OTUD4: variants seen among roughly 807,000 people sequenced by gnomAD.
The protein encoded by OTUD4 is OTU domain-containing protein 4.
OTUD4 carries 24 observed loss-of-function variants against 130.4 expected under a neutral mutation model. That is an observed-to-expected ratio of 0.18 (90% CI 0.13 to 0.26). OTUD4 has a LOEUF of 0.26. Among genes scored for constraint, OTUD4 ranks in the 10% least tolerant of loss-of-function variants. The probability of loss-of-function intolerance (pLI) is 1.00; values close to 1 mark genes in which losing one functional copy is unlikely to be tolerated. For synonymous variants in OTUD4, 420 were observed against 472.5 expected, an observed-to-expected ratio of 0.89 and a Z score of 1.44; for missense variants, 1,031 against 1,329.4, an observed-to-expected ratio of 0.78 and a Z score of 3.49.
At chr4:145,174,608 CA>C (rs1752335210) in intron 2 of OTUD4, 52 bp downstream of exon 2, 8 of 1,054,764 alleles carry the variant, frequency 7.6e-6, no homozygotes, top group Non-Finnish European at 1.2e-5. Flanking sequence ...TTCTAAAAGC[CA>C]AAATGTAAAA....
At chr4:145,165,977 C>G (rs1751851719) in intron 3 of OTUD4, among the ~76,000 whole-genome samples, 1 of 151,850 alleles carries the variant, frequency 6.6e-6, no homozygotes, top group Non-Finnish European at 1.5e-5. Context: ...GTCTGACCAA[C>G]ATGGAGAAAC....
chr4:145,159,131 A>G, intron 7 of OTUD4: 1 of 1,042,458 alleles, frequency 9.6e-7, no homozygotes, highest in Non-Finnish European at 1.2e-6. Context: ...AAACAATAAA[A>G]GAAAGTGAAG....
intron 1 of OTUD4, 25 bp downstream of exon 1, chr4:145,179,776 CGCCTCCCCTCGAAG>C: frequency 1.4e-6 from 2 of 1,387,152 alleles, no homozygotes; most frequent in South Asian, 1.3e-5. Flanking sequence ...GGGCCGTCCC[CGCCTCCCCTCGAAG>C]CCCTCCCCGC....
intron 1 of OTUD4, among the ~76,000 whole-genome samples, chr4:145,177,093 T>C (rs780385571): frequency 1.3e-5 from 2 of 152,186 alleles, no homozygotes; most frequent in African/African-American, 2.4e-5. Context: ...ACAAATGACA[T>C]TTAGCAACAC....
In OTUD4 at chr4:145,135,505, A is replaced by T. The variant is rs1157182209; in HGVS notation, c.*1925T>A. ...TTAAAATCAGGTAAGCTAGTCCTACATAAAAAAGCATGAGCTGAAAGTGGA... is the reference window on the plus strand; with the variant it reads ...TTAAAATCAGGTAAGCTAGTCCTACTTAAAAAAGCATGAGCTGAAAGTGGA... On this transcript the variant is annotated 3_prime_UTR_variant, in exon 21 of 21. Coordinates refer to ENST00000447906, the MANE Select transcript of OTUD4 (RefSeq NM_001366057.1). 1.3e-5 allele frequency: 2 copies of T among 152,250 alleles called. No homozygotes were observed. The highest frequency in any genetic ancestry group is 4.8e-5 in the African/African-American group (2 of 41,476). The allele number at this position is 152,250 out of a possible 1,614,324, so 9.4% of individuals were successfully genotyped here. A position where few individuals can be genotyped will look rare whatever the true frequency, so the allele number is the denominator to read the frequency against.
chr4:145,138,534 G>C lies in OTUD4; in HGVS notation c.2241C>G (p.Pro747=). 3 of 1,614,148 alleles carry C rather than the reference G, an allele frequency of 1.9e-6. No homozygotes were observed. Among genetic ancestry groups the C allele is most frequent in the Non-Finnish European group, 2.5e-6 (3 of 1,180,030 alleles). The change falls in exon 21 of 21, where the codon CCC becomes CCG. Residue 747 remains proline (P), a synonymous_variant. Transcript: ENST00000447906. ...KVPVPVYPHN[P]WFQEAPAAQN... is the part of the protein sequence containing the mutation. Reference sequence around the variant, plus strand: ...GAGCAGCAGGAGCCTCTTGGAACCAGGGATTATGAGGATAAACAGGGACAG... The same window carrying C: ...GAGCAGCAGGAGCCTCTTGGAACCACGGATTATGAGGATAAACAGGGACAG...
At chr4:145,179,657 G>C in intron 1 of OTUD4, 158 bp downstream of exon 1, 1 of 1,402,606 alleles carries the variant, frequency 7.1e-7, no homozygotes, top group South Asian at 1.6e-5. Context: ...GCAAAGCAGC[G>C]TCCCACTCCG....
Position 145,136,746 on chromosome 4 carries a change from C to G in OTUD4, c.*684G>C, listed in dbSNP as rs1381907658. 6.6e-6 allele frequency: 1 copy of G among 152,390 alleles called. No homozygotes were observed. The highest frequency in any genetic ancestry group is 6.6e-5 in the Admixed American group (1 of 15,238). The allele number at this position is 152,390 out of a possible 1,614,324, so 9.4% of individuals were successfully genotyped here. ...TTCTTCTATGCAATCTCAACAAATA[C>G]CAAAATTCAAAAATATACCTTATGA... On this transcript the variant is annotated 3_prime_UTR_variant, in exon 21 of 21. Coordinates refer to ENST00000447906, the MANE Select transcript of OTUD4 (RefSeq NM_001366057.1).
chr4:145,166,221 A>C (rs1751867029), intron 3 of OTUD4, among the ~76,000 whole-genome samples: 1 of 152,110 alleles, frequency 6.6e-6, no homozygotes. Flanking sequence ...GAAGTATAGA[A>C]AAGGGCAGAA....
At chr4:145,144,051 T>C in intron 15 of OTUD4, 50 bp from the exon 16 acceptor site, 19 of 1,411,840 alleles carry the variant, frequency 1.3e-5, no homozygotes, top group Non-Finnish European at 1.9e-5. Flanking sequence ...CAGTCATGTC[T>C]GAACACAGAA....
intron 14 of OTUD4, 33 bp downstream of exon 14, chr4:145,146,234 A>G (rs757093859): frequency 3.5e-6 from 5 of 1,409,126 alleles, no homozygotes; most frequent in Admixed American, 5.3e-5. Context: ...AAACTTCTGT[A>G]TAATGACTTT....
chr4:145,165,223 TGTAA>T, intron 3 of OTUD4, 26 bp from the exon 4 acceptor site: 1 of 1,556,628 alleles, frequency 6.4e-7, no homozygotes, highest in Non-Finnish European at 8.8e-7. Context: ...AAAGGTGGCA[TGTAA>T]GTGTCTCACA....
intron 14 of OTUD4, among the ~76,000 whole-genome samples, chr4:145,145,469 C>A (rs901097310): frequency 9.2e-5 from 14 of 152,152 alleles, no homozygotes; most frequent in African/African-American, 3.1e-4. Flanking sequence ...AGAAGACACA[C>A]CTGAGTGTGT....
chr4:145,158,122 A>G (rs1751381887), intron 7 of OTUD4, among the ~76,000 whole-genome samples: 1 of 152,252 alleles, frequency 6.6e-6, no homozygotes, highest in African/African-American at 2.4e-5. Flanking sequence ...CAAGTTAGAA[A>G]GAAATGGTGG....
chr4:145,179,917 G>A lies in OTUD4; in HGVS notation c.57C>T (p.Arg19=), dbSNP rs894029740. The A allele has an allele frequency of 1.3e-5, 20 of 1,527,850 alleles. No homozygotes were observed. The highest frequency in any genetic ancestry group is 1.7e-5 in the Non-Finnish European group (20 of 1,143,926). 94.6% of individuals were successfully genotyped at this position (1,527,850 alleles called of 1,614,324 possible). ...AGGCGTCCATGGGCGTCGCGTCCTC[G>A]CGGGGCCCCGCGCCGCCCTGGTCCC... ...DGGDQGGAGP[R]EDATPMDAYL... The change falls in exon 1 of 21, where the codon CGC becomes CGT. Residue 19 remains arginine, a synonymous_variant. Transcript: ENST00000447906.
Position 145,141,535 on chromosome 4 carries a change from A to G in OTUD4, c.1927T>C (p.Ser643Pro). Residue 643 changes from serine to proline, a missense_variant, in exon 19 of 21, where the codon TCA becomes CCA. Physicochemically the swap from Ser to Pro is moderately conservative, Grantham distance 74. Around this residue, in one of 3 missense-constraint regions of OTUD4, gnomAD observed 900 missense variants for 1,095.9 expected, o/e 0.82. Coordinates refer to ENST00000447906, the MANE Select transcript of OTUD4 (RefSeq NM_001366057.1). ...AHLTPSPVPVSIQAVNQPLMP... is the reference protein window; with the variant it reads ...AHLTPSPVPVPIQAVNQPLMP... ...AAGGGCTGGTTAACTGCCTGTATTG[A>G]CACAGGAACTGGAGAGGGTGTTAAA... is the stretch of plus-strand genomic sequence containing the variant. The G allele has an allele frequency of 6.2e-7, 1 of 1,613,174 alleles. No homozygotes were observed. Among genetic ancestry groups the G allele is most frequent in the South Asian group, 1.1e-5 (1 of 90,918 alleles).
chr4:145,159,478 AG>A, intron 7 of OTUD4, 24 bp downstream of exon 7: 1 of 1,612,372 alleles, frequency 6.2e-7, no homozygotes, highest in Non-Finnish European at 8.5e-7. Context: ...GCACTAAGAA[AG>A]GTATTTTAGG....
chr4:145,175,795 G>A (rs548661658), intron 1 of OTUD4, among the ~76,000 whole-genome samples: 1 of 150,848 alleles, frequency 6.6e-6, no homozygotes. Flanking sequence ...CGCCCACCTC[G>A]ACCTCCCAAT....
intron 14 of OTUD4, among the ~76,000 whole-genome samples, chr4:145,145,221 A>G (rs758375323): frequency 3.7e-4 from 57 of 152,386 alleles, no homozygotes; most frequent in Non-Finnish European, 6.0e-4. Context: ...ATACAAGCTT[A>G]AACAATTTGT....
Sources: allele counts gnomAD v4.1 joint callset (sites outside exome capture counted in the v4.1 genomes callset), GRCh38; gene constraint gnomAD v4.1.1; regional missense constraint gnomAD v4.1.1; transcripts MANE v1.5; gene names NCBI Gene and HGNC (gene_info 2026-07-23, HGNC 2026-07-21).